The following PCDHA5 variants were observed in gnomAD, a reference collection of about 807,000 sequenced individuals.
The protein encoded by PCDHA5 is protocadherin alpha-5.
Under a neutral mutation model 61.6 loss-of-function variants are expected in PCDHA5, and 43 were observed. The observed-to-expected ratio is 0.70, with a 90% confidence interval of 0.55 to 0.90. PCDHA5 has a LOEUF of 0.90. Ranked by LOEUF, PCDHA5 falls within the 40% of genes least tolerant of loss-of-function variation. The pLI is 0.00. For synonymous variants in PCDHA5, 627 were observed against 543.9 expected (o/e 1.15, Z -2.13); for missense variants, 1,298 against 1,222.7 (o/e 1.06, Z -0.92).
At chr5:140,986,511 C>T (rs181646630) in intron 3 of PCDHA5, among the ~76,000 whole-genome samples, 76 of 152,288 alleles carry the variant, frequency 5.0e-4, no homozygotes, top group African/African-American at 1.8e-3. Context: ...AAGGACTGCC[C>T]CTGCCTGTGA....
At chr5:140,894,035 T>C (rs1554185902) in intron 1 of PCDHA5, among the ~76,000 whole-genome samples, 1 of 152,220 alleles carries the variant, frequency 6.6e-6, no homozygotes, top group Non-Finnish European at 1.5e-5. Context: ...ATACTGGTAA[T>C]GTAAGTCCTC....
At chr5:140,926,973 G>A in intron 1 of PCDHA5, 3 of 1,609,762 alleles carry the variant, frequency 1.9e-6, no homozygotes, top group African/African-American at 1.3e-5. Context: ...ACTCAGTGCC[G>A]GAGGAGACGG....
intron 1 of PCDHA5, chr5:140,867,337 G>A (rs1299796408): frequency 6.6e-6 from 1 of 152,004 alleles, no homozygotes; most frequent in African/African-American, 2.4e-5. Flanking sequence ...GTTTTGATTA[G>A]AGGCTACTAT....
At chr5:140,985,167 G>C (rs905296036) in intron 3 of PCDHA5, among the ~76,000 whole-genome samples, 2 of 152,176 alleles carry the variant, frequency 1.3e-5, no homozygotes, top group Admixed American at 1.3e-4. Context: ...TCAATCTCCT[G>C]ACCTCGTAAT....
intron 1 of PCDHA5, chr5:140,829,244 G>A (rs1386334343): frequency 1.2e-5 from 19 of 1,614,148 alleles, no homozygotes; most frequent in Admixed American, 3.3e-5. Context: ...CAACGGGCAG[G>A]TGAACTGCTC....
At position 140,883,407 on chromosome 5, in the gene PCDHA5, G is replaced by C. The variant is rs2059598150; in HGVS notation, c.2352+59280G>C. On this transcript the variant is annotated intron_variant, in intron 1 of 3. Coordinates refer to ENST00000529859, the MANE Select transcript of PCDHA5 (RefSeq NM_018908.3). The stretch of plus-strand genomic sequence containing the variant: ...ATCAGTGTGTCCGATCGTGACTCTG[G>C]CTCAAATGGACAGGTCACCTGCACC... The C allele has an allele frequency of 1.9e-6, 3 of 1,614,170 alleles. No homozygotes were observed. In the East Asian group the frequency reaches 6.7e-5, roughly 36 times the overall value.
At chr5:140,895,485 C>A (rs2065029754) in intron 1 of PCDHA5, among the ~76,000 whole-genome samples, 1 of 152,114 alleles carries the variant, frequency 6.6e-6, no homozygotes, top group African/African-American at 2.4e-5. Flanking sequence ...GGAGAAATAC[C>A]TATTCAGAAC....
chr5:140,982,420 G>A, intron 2 of PCDHA5, 55 bp from the exon 3 acceptor site: 1 of 1,611,062 alleles, frequency 6.2e-7, no homozygotes, highest in Non-Finnish European at 8.5e-7. Context: ...GGTGGAAGAA[G>A]AGATGGGAAA....
rs1284021507 is a variant in PCDHA5 at position 140,883,838 on chromosome 5, G to A, written c.2352+59711G>A. The A allele has an allele frequency of 1.9e-6, 3 of 1,612,620 alleles. No individual in the cohort carries two copies. In the Admixed American group the frequency reaches 5.0e-5, roughly 27 times the overall value. ...CAAGGTGTACGCGCTGCAGCCGTTG[G>A]ACCACGAGGAGCTGGAGCTGTTGCA... On this transcript the variant is annotated intron_variant, in intron 1 of 3. Coordinates refer to ENST00000529859, the MANE Select transcript of PCDHA5 (RefSeq NM_018908.3).
intron 1 of PCDHA5, 50 bp downstream of exon 1, chr5:140,824,177 T>G: frequency 1.2e-6 from 2 of 1,609,658 alleles, no homozygotes; most frequent in African/African-American, 2.7e-5. Flanking sequence ...TTTTCAAATA[T>G]TAAATGTCAC....
chr5:140,933,567 A>G lies in PCDHA5; in HGVS notation c.2353-45382A>G, dbSNP rs146986632. ...AATATAAAATAAAAACCAATTAAGA[A>G]GTCTTAATAGTGGGTTTTTAGGTTG... On this transcript the variant is annotated intron_variant, in intron 1 of 3. Coordinates refer to ENST00000529859, the MANE Select transcript of PCDHA5 (RefSeq NM_018908.3). Among the ~76,000 whole-genome samples the G allele has an allele frequency of 5.4e-3, 827 of 152,184 alleles. 4 individuals are homozygous for G. Among genetic ancestry groups the G allele is most frequent in the African/African-American group, 0.019 (796 of 41,566 alleles).
At chr5:140,826,481 T>C (rs1342710477) in intron 1 of PCDHA5, among the ~76,000 whole-genome samples, 1 of 152,200 alleles carries the variant, frequency 6.6e-6, no homozygotes, top group Non-Finnish European at 1.5e-5. Context: ...TTTTACTGTA[T>C]ATCAGAATTT....
chr5:140,906,534 A>G (rs7704223), intron 1 of PCDHA5, among the ~76,000 whole-genome samples: 49,309 of 152,142 alleles, frequency 0.32, 8,308 homozygotes, highest in East Asian at 0.53. Flanking sequence ...GACAATTAAA[A>G]TCCTCATTTC....
rs34755515 is a variant in PCDHA5 at position 141,000,421 on chromosome 5, A to ATTT, written c.2501-9185_2501-9183dup. 5.4e-3 allele frequency among the ~76,000 whole-genome samples: 150 copies of ATTT among 27,982 alleles called. 11 individuals are homozygous for ATTT. Among genetic ancestry groups the ATTT allele is most frequent in the Non-Finnish European group, 6.0e-3 (106 of 17,660 alleles). The allele number at this position is 27,982 out of a possible 152,430, so 18.4% of individuals were successfully genotyped here. On this transcript the variant is annotated intron_variant, in intron 3 of 3. Coordinates refer to ENST00000529859, the MANE Select transcript of PCDHA5 (RefSeq NM_018908.3). ...TATATATATATATATATATATATAT[A>ATTT]TTTTTTTTTTTTTTTTTTTTTTTGA...
At chr5:140,881,441 CAGA>C (rs782795888) in intron 1 of PCDHA5, 70 of 829,276 alleles carry the variant, frequency 8.4e-5, no homozygotes, top group Non-Finnish European at 1.0e-4. Context: ...TTTATAAAAA[CAGA>C]ATCCAAAACC....
At chr5:140,842,432 C>T (rs2150336082) in intron 1 of PCDHA5, 2 of 1,613,656 alleles carry the variant, frequency 1.2e-6, no homozygotes, top group Non-Finnish European at 1.7e-6. Context: ...TGTCATCGCC[C>T]TAATTAGCGT....
At chr5:140,967,958 CG>C in intron 1 of PCDHA5, 1 of 1,614,182 alleles carries the variant, frequency 6.2e-7, no homozygotes, top group Non-Finnish European at 8.5e-7. Flanking sequence ...AGGCCCCAAC[CG>C]GAAAGTGAGC....
At chr5:140,926,692 C>T in intron 1 of PCDHA5, 1 of 737,896 alleles carries the variant, frequency 1.4e-6, no homozygotes, top group Non-Finnish European at 2.0e-6. Context: ...CCTAGCAAGC[C>T]CGGCTCCCAG....
chr5:140,983,113 A>G (rs2097027812), intron 3 of PCDHA5, among the ~76,000 whole-genome samples: 2 of 152,254 alleles, frequency 1.3e-5, no homozygotes, highest in Admixed American at 6.5e-5. Context: ...CTGCACATCA[A>G]CAACATTCTG....
Sources: gnomAD v4.1 joint callset for allele counts (sites outside exome capture counted in the v4.1 genomes callset) on GRCh38, gnomAD v4.1.1 for gene constraint, MANE v1.5 for transcripts, NCBI Gene and HGNC (gene_info 2026-07-23, HGNC 2026-07-21) for gene names.